AGMO: variants seen among roughly 807,000 people sequenced by gnomAD.
The protein encoded by AGMO is alkylglycerol monooxygenase.
AGMO carries 75 observed loss-of-function variants against 60.2 expected under a neutral mutation model. That is an observed-to-expected ratio of 1.25 (90% CI 1.03 to 1.51). AGMO has a LOEUF of 1.51. Ranked by LOEUF, AGMO falls within the 40% of genes most tolerant of loss-of-function variation. The probability of loss-of-function intolerance (pLI) is 0.00; values close to 1 mark genes in which losing one functional copy is unlikely to be tolerated. For synonymous variants in AGMO, 261 were observed against 177.1 expected (o/e 1.47, Z -3.76); for missense variants, 763 against 525.5 (o/e 1.45, Z -4.42).
the AGMO span, among the ~76,000 whole-genome samples, chr7:15,167,640 T>G: frequency 6.6e-6 from 1 of 152,194 alleles, no homozygotes; most frequent in Non-Finnish European, 1.5e-5. Flanking sequence ...TATCTAAGAT[T>G]GCAGGGCTAA....
chr7:15,292,193 G>C (rs1286310388), intron 12 of AGMO, among the ~76,000 whole-genome samples: 1 of 152,174 alleles, frequency 6.6e-6, no homozygotes, highest in Non-Finnish European at 1.5e-5. Context: ...ATTCAGAGCA[G>C]AGATTCTTCA....
chr7:15,349,577 T>C (rs1405364777), intron 12 of AGMO, among the ~76,000 whole-genome samples: 1 of 152,076 alleles, frequency 6.6e-6, no homozygotes, highest in Non-Finnish European at 1.5e-5. Flanking sequence ...TTCCTAGAAA[T>C]CCTATTCTTC....
At chr7:15,519,214 G>A (rs905923561) in intron 3 of AGMO, among the ~76,000 whole-genome samples, 1 of 151,384 alleles carries the variant, frequency 6.6e-6, no homozygotes, top group Non-Finnish European at 1.5e-5. Context: ...AAAGTGATAA[G>A]AAGAATGGAA....
intron 12 of AGMO, among the ~76,000 whole-genome samples, chr7:15,243,053 A>G (rs1294875640): frequency 3.9e-5 from 6 of 151,968 alleles, no homozygotes; most frequent in Non-Finnish European, 7.4e-5. Context: ...CTATTCTATT[A>G]TTTTGTGTTA....
At chr7:15,130,275 C>T in the AGMO span, among the ~76,000 whole-genome samples, 1 of 151,768 alleles carries the variant, frequency 6.6e-6, no homozygotes, top group African/African-American at 2.4e-5. Flanking sequence ...TTCAAAGTGT[C>T]ATGTCTTTTA....
chr7:15,426,096 G>T (rs577956318), intron 4 of AGMO, among the ~76,000 whole-genome samples: 44 of 152,172 alleles, frequency 2.9e-4, no homozygotes, highest in Middle Eastern at 3.5e-3. Context: ...GTAATTTTTG[G>T]AGTGTCTATT....
chr7:15,150,537 C>T, the AGMO span, among the ~76,000 whole-genome samples: 2 of 151,926 alleles, frequency 1.3e-5, no homozygotes, highest in East Asian at 1.9e-4. Flanking sequence ...TTATTGAAAG[C>T]CTTTTTGTGC....
At chr7:15,473,891 G>C (rs993143131) in intron 3 of AGMO, among the ~76,000 whole-genome samples, 4 of 152,090 alleles carry the variant, frequency 2.6e-5, no homozygotes, top group African/African-American at 9.7e-5. Context: ...AAAATCACAA[G>C]CATTCCTATA....
chr7:15,227,436 GACAACAACAACA>G (rs559682494), intron 12 of AGMO, among the ~76,000 whole-genome samples: 1 of 149,374 alleles, frequency 6.7e-6, no homozygotes, highest in Non-Finnish European at 1.5e-5. Flanking sequence ...TATCAACAAT[GACAACAACAACA>G]ACAACAAAAT....
At chr7:15,306,910 T>C (rs1017073661) in intron 12 of AGMO, among the ~76,000 whole-genome samples, 2 of 151,964 alleles carry the variant, frequency 1.3e-5, no homozygotes, top group African/African-American at 4.8e-5. Context: ...TAAAATAGTT[T>C]GCAATATTAA....
intron 12 of AGMO, among the ~76,000 whole-genome samples, chr7:15,274,282 G>T (rs973178098): frequency 4.0e-5 from 6 of 151,556 alleles, no homozygotes; most frequent in Non-Finnish European, 7.4e-5. Flanking sequence ...CTCTTATTGA[G>T]ATATGTCTCA....
At chr7:15,264,214 T>C (rs572747251) in intron 12 of AGMO, among the ~76,000 whole-genome samples, 1 of 152,128 alleles carries the variant, frequency 6.6e-6, no homozygotes, top group Admixed American at 6.6e-5. Flanking sequence ...CTGGTAATTA[T>C]TCATTTTCAA....
chr7:15,544,244 A>G (rs115765017), intron 3 of AGMO, among the ~76,000 whole-genome samples: 289 of 152,154 alleles, frequency 1.9e-3, no homozygotes, highest in African/African-American at 6.7e-3. Flanking sequence ...GGCAAAGGAT[A>G]AAAGATTACA....
chr7:15,293,516 T>A (rs906865062), intron 12 of AGMO, among the ~76,000 whole-genome samples: 1 of 152,106 alleles, frequency 6.6e-6, no homozygotes, highest in Non-Finnish European at 1.5e-5. Context: ...TGCACCAACC[T>A]ATAATTTATG....
intron 3 of AGMO, among the ~76,000 whole-genome samples, chr7:15,510,132 T>C (rs1259434486): frequency 6.6e-6 from 1 of 152,146 alleles, no homozygotes; most frequent in Non-Finnish European, 1.5e-5. Flanking sequence ...TGCAGCATTA[T>C]GTCAAAGAGA....
chr7:15,485,371 G>A (rs1231118516), intron 3 of AGMO, among the ~76,000 whole-genome samples: 1 of 151,790 alleles, frequency 6.6e-6, no homozygotes, highest in South Asian at 2.1e-4. Context: ...GAAAAATTGA[G>A]AAGAGTAAAT....
chr7:15,209,312 C>G (rs937000268), intron 12 of AGMO, among the ~76,000 whole-genome samples: 2 of 152,044 alleles, frequency 1.3e-5, no homozygotes, highest in Non-Finnish European at 2.9e-5. Context: ...ACTGCTTATC[C>G]AGGATTTTTA....
intron 12 of AGMO, among the ~76,000 whole-genome samples, chr7:15,344,996 G>C (rs1163593488): frequency 1.3e-5 from 2 of 152,038 alleles, no homozygotes; most frequent in African/African-American, 4.8e-5. Flanking sequence ...TATCCTTACA[G>C]TGACTGTCCT....
rs561315577 is a variant in AGMO, at chr7:15,271,188, A to G, written c.1264-69829T>C. 7.2e-5 allele frequency among the ~76,000 whole-genome samples: 11 copies of G among 152,166 alleles called. No homozygotes were observed. In the South Asian group the frequency reaches 2.1e-3, roughly 29 times the overall value. ...GTTCCATATGAAATTTAAAACTGAT[A>G]TTTCTTACTCAGTGAAAAACAGTGT... On this transcript the variant is annotated intron_variant, in intron 12 of 12. Transcript: ENST00000342526.
Sources: allele counts gnomAD v4.1 joint callset (sites outside exome capture counted in the v4.1 genomes callset), GRCh38; gene constraint gnomAD v4.1.1; transcripts MANE v1.5; gene names NCBI Gene and HGNC (gene_info 2026-07-23, HGNC 2026-07-21).